Variants in CACNA1C observed in about 807,000 individuals in gnomAD.
CACNA1C encodes voltage-dependent L-type calcium channel subunit alpha-1C.
In CACNA1C, 30 loss-of-function variants were observed where a neutral mutation model predicts 229.0. That is an observed-to-expected ratio of 0.13 (90% CI 0.10 to 0.18). The LOEUF (loss-of-function observed/expected upper bound fraction) is 0.18, where lower values mean the gene tolerates loss of function less well. CACNA1C is among the 10% of genes least tolerant of loss of function. The pLI, the probability that CACNA1C is intolerant of heterozygous loss-of-function variation, is 1.00. For synonymous variants in CACNA1C, 1,114 were observed against 1,132.5 expected (o/e 0.98, Z 0.33); for missense variants, 1,658 against 2,845.0 (o/e 0.58, Z 9.49).
rs933838134 is a variant in CACNA1C at position 2,072,751 on chromosome 12, A to G, written c.49+19140A>G. On this transcript the variant is annotated intron_variant, in intron 1 of 46. Transcript: ENST00000399655. ...GTAAATTAGGTTAGGTGTATTGGGT[A>G]TATGTCAGGTATATTAGGCTAACTC... Among the ~76,000 whole-genome samples, 13 of 152,174 alleles carry G rather than the reference A, an allele frequency of 8.5e-5. 1 individual carries two copies. The South Asian group carries it at 1.0e-3, about 12-fold the overall frequency.
In CACNA1C at chr12:2,653,727, C is replaced by A; in HGVS notation, c.4075-108C>A. On this transcript the variant is annotated intron_variant, in intron 32 of 46. Coordinates refer to ENST00000399655, the MANE Select transcript of CACNA1C (RefSeq NM_000719.7). This position sits in a 1 kb window ranked among gnomAD's most constrained non-coding sequence, Gnocchi z 4.7. ...CTTGGAAGTGTCCCCCGGCCCAAAC[C>A]GGGCAATAGCTGATGGCTGCAGAGA... is the stretch of plus-strand genomic sequence containing the variant. 4 of 916,750 alleles carry A rather than the reference C, an allele frequency of 4.4e-6. No individual in the cohort carries two copies. The highest frequency in any genetic ancestry group is 1.6e-5 in the African/African-American group (1 of 61,738). 56.8% of individuals were successfully genotyped at this position (916,750 alleles called of 1,614,324 possible). A position where few individuals can be genotyped will look rare whatever the true frequency, so the allele number is the denominator to read the frequency against.
rs561654108 is a variant in CACNA1C at position 2,633,566 on chromosome 12, C to T, written c.3829-731C>T. The T allele has an allele frequency of 1.0e-4, 95 of 942,636 alleles. No individual in the cohort carries two copies. Among genetic ancestry groups the T allele is most frequent in the Non-Finnish European group, 1.5e-4 (85 of 570,198 alleles). The allele number at this position is 942,636 out of a possible 1,614,324, so 58.4% of individuals were successfully genotyped here. A position where few individuals can be genotyped will look rare whatever the true frequency, so the allele number is the denominator to read the frequency against. ...GACGATGATTCTGATGGTGGTGTTG[C>T]TCTGTTCTTGTCTGTCTAATATTCC... On this transcript the variant is annotated intron_variant, in intron 29 of 46. Coordinates refer to ENST00000399655, the MANE Select transcript of CACNA1C (RefSeq NM_000719.7). This position sits in a 1 kb window ranked among gnomAD's most constrained non-coding sequence, Gnocchi z 5.8.
At chr12:2,358,004 A>G (rs575601096) in intron 3 of CACNA1C, among the ~76,000 whole-genome samples, 1 of 151,602 alleles carries the variant, frequency 6.6e-6, no homozygotes, top group African/African-American at 2.4e-5. Flanking sequence ...GCAACAAAAC[A>G]TACAGCCCTT....
rs1255030367 is a variant in CACNA1C at position 2,287,560 on chromosome 12, T to C, written c.478-161416T>C. On this transcript the variant is annotated intron_variant, in intron 3 of 46. Transcript: ENST00000399655. The surrounding 1 kb of genome is among the most constrained non-coding windows in gnomAD (Gnocchi z 4.6). ...GTGATTCTGGGTAAAGCAGACCATG[T>C]GCCATCGGGAGTGCTCCTGTGATTC... Among the ~76,000 whole-genome samples, 1 of 152,226 alleles carries C rather than the reference T, an allele frequency of 6.6e-6. No homozygotes were observed. Among genetic ancestry groups the C allele is most frequent in the Non-Finnish European group, 1.5e-5 (1 of 68,038 alleles).
At chr12:2,228,163 G>A (rs890464954) in intron 3 of CACNA1C, among the ~76,000 whole-genome samples, 1 of 152,116 alleles carries the variant, frequency 6.6e-6, no homozygotes, top group Non-Finnish European at 1.5e-5. Flanking sequence ...CCCCGCCCCT[G>A]TGTTTGGCCC....
chr12:2,290,097 A>G (rs1198231309), intron 3 of CACNA1C, among the ~76,000 whole-genome samples: 1 of 152,208 alleles, frequency 6.6e-6, no homozygotes, highest in African/African-American at 2.4e-5. Context: ...ATTCAGGGGA[A>G]GTTCCTGGGC....
At chr12:2,244,700 C>T (rs908113423) in intron 3 of CACNA1C, among the ~76,000 whole-genome samples, 1 of 152,230 alleles carries the variant, frequency 6.6e-6, no homozygotes, top group Non-Finnish European at 1.5e-5. Flanking sequence ...TGCCAAGGCT[C>T]TTGTTGAGCA....
At chr12:2,007,242 A>C (rs2043627636) in intron 1 of CACNA1C, among the ~76,000 whole-genome samples, 2 of 152,126 alleles carry the variant, frequency 1.3e-5, no homozygotes, top group South Asian at 4.1e-4. Flanking sequence ...TTTGTCTGTT[A>C]AGTTCCATGA....
In CACNA1C at chr12:2,557,896, TA is replaced by T. The variant is rs2045335606; in HGVS notation, c.1508+920del. On this transcript the variant is annotated intron_variant, in intron 11 of 46. Coordinates refer to ENST00000399655, the MANE Select transcript of CACNA1C (RefSeq NM_000719.7). ...GTGCCTGTCCAGTGGTGAACGTCCA[TA>T]CATGTGTGTTGAATGAATGAGTGGA... 3.9e-5 allele frequency among the ~76,000 whole-genome samples: 6 copies of T among 152,360 alleles called. No individual in the cohort carries two copies. In the South Asian group the frequency reaches 1.2e-3, roughly 32 times the overall value.
intron 3 of CACNA1C, among the ~76,000 whole-genome samples, chr12:2,284,318 G>A (rs1047565619): frequency 3.3e-5 from 5 of 150,528 alleles, no homozygotes; most frequent in East Asian, 3.9e-4. Context: ...TTTGGTAGTG[G>A]GAAGTGAGTT....
chr12:2,459,169 G>GTTTTTTTTTTTT (rs59909090), intron 5 of CACNA1C, among the ~76,000 whole-genome samples: 9 of 109,412 alleles, frequency 8.2e-5, no homozygotes, highest in Admixed American at 2.9e-4. Context: ...TTTTGTGTGT[G>GTTTTTTTTTTTT]TTTTTTTTTT....
At chr12:2,415,631 G>A (rs929818967) in intron 3 of CACNA1C, among the ~76,000 whole-genome samples, 2 of 152,176 alleles carry the variant, frequency 1.3e-5, no homozygotes, top group East Asian at 3.9e-4. Flanking sequence ...GTCAAGCAGA[G>A]GCCCTGGGGA....
In CACNA1C at chr12:2,067,481, T is replaced by TGTGC. The variant is rs3085990; in HGVS notation, c.49+13871_49+13872insTGCG. On this transcript the variant is annotated intron_variant, in intron 1 of 46. Transcript: ENST00000399655. This position sits in a 1 kb window ranked among gnomAD's most constrained non-coding sequence, Gnocchi z 5.3. The stretch of plus-strand genomic sequence containing the variant: ...GTGTGTGTGTGTGTGTGTGTGTGTG[T>TGTGC]GCGCGCGTGTGCGTGCCTGTATGTA... 0.034 allele frequency among the ~76,000 whole-genome samples: 4,737 copies of TGTGC among 140,818 alleles called. 228 individuals are homozygous for TGTGC. The highest frequency in any genetic ancestry group is 0.14 in the Admixed American group (1,993 of 14,454). The allele number at this position is 140,818 out of a possible 152,430, so 92.4% of individuals were successfully genotyped here. A position where few individuals can be genotyped will look rare whatever the true frequency, so the allele number is the denominator to read the frequency against.
intron 3 of CACNA1C, among the ~76,000 whole-genome samples, chr12:2,147,740 GAGTGAAAGA>G (rs2094852395): frequency 6.7e-6 from 1 of 148,910 alleles, no homozygotes; most frequent in Non-Finnish European, 1.5e-5. Context: ...GCAAATTACA[GAGTGAAAGA>G]AGACTTCTTT....
At chr12:1,972,241 T>C (rs1332387566) in intron 1 of CACNA1C, among the ~76,000 whole-genome samples, 1 of 152,280 alleles carries the variant, frequency 6.6e-6, no homozygotes, top group Non-Finnish European at 1.5e-5. Context: ...ACTCCTTTCA[T>C]GAAGTCTTCC....
chr12:2,177,244 G>A (rs138696293), intron 3 of CACNA1C, among the ~76,000 whole-genome samples: 273 of 152,228 alleles, frequency 1.8e-3, no homozygotes, highest in African/African-American at 6.1e-3. Flanking sequence ...GATACAAGCC[G>A]CCTCTATCCC....
intron 3 of CACNA1C, among the ~76,000 whole-genome samples, chr12:2,391,799 G>A (rs1451522410): frequency 6.6e-6 from 1 of 152,184 alleles, no homozygotes; most frequent in African/African-American, 2.4e-5. Flanking sequence ...CTGGGCTATC[G>A]AATCCACTAG....
chr12:2,572,311 CCTCCTCCTCT>C (rs1197175355), intron 13 of CACNA1C, among the ~76,000 whole-genome samples: 3 of 145,690 alleles, frequency 2.1e-5, no homozygotes, highest in African/African-American at 2.5e-5. Flanking sequence ...TCCTCCTCCT[CCTCCTCCTCT>C]TCCTCCTCCT....
At chr12:2,061,976 G>A (rs2057676117) in intron 1 of CACNA1C, among the ~76,000 whole-genome samples, 1 of 152,228 alleles carries the variant, frequency 6.6e-6, no homozygotes. Flanking sequence ...ATAGGAAAGA[G>A]CTTTAACATT....
Sources: gnomAD v4.1 joint callset for allele counts (sites outside exome capture counted in the v4.1 genomes callset) on GRCh38, gnomAD v4.1.1 for gene constraint, Gnocchi (gnomAD v3.1) non-coding constraint, MANE v1.5 for transcripts, NCBI Gene and HGNC (gene_info 2026-07-23, HGNC 2026-07-21) for gene names.